Variants in ITPRID1 observed in about 807,000 individuals in gnomAD.
ITPRID1 encodes the protein ITPR interacting domain containing 1.
Under a neutral mutation model 95.4 loss-of-function variants are expected in ITPRID1, and 96 were observed. That is an observed-to-expected ratio of 1.01 (90% CI 0.85 to 1.19). The LOEUF (loss-of-function observed/expected upper bound fraction) is 1.19. Among genes scored for constraint, ITPRID1 ranks in the 50% most tolerant of loss-of-function variants. The probability of loss-of-function intolerance (pLI) is 0.00; values close to 1 mark genes in which losing one functional copy is unlikely to be tolerated. For missense variants in ITPRID1, 1,339 were observed against 1,252.9 expected, an observed-to-expected ratio of 1.07 and a Z score of -1.04; for synonymous variants, 510 against 453.6, an observed-to-expected ratio of 1.12 and a Z score of -1.58.
intron 8 of ITPRID1, among the ~76,000 whole-genome samples, chr7:31,576,287 T>A (rs529444278): frequency 3.9e-4 from 60 of 152,276 alleles, no homozygotes; most frequent in African/African-American, 1.4e-3. Flanking sequence ...TCGATACAAA[T>A]GTTTAAACTT....
In ITPRID1 at chr7:31,549,333, G is replaced by C. The variant is rs558237555; in HGVS notation, c.-97-93G>C. The C allele has an allele frequency of 1.2e-4, 104 of 862,268 alleles. 2 individuals are homozygous for C. The highest frequency in any genetic ancestry group is 1.7e-5 in the African/African-American group (1 of 57,224). The allele number at this position is 862,268 out of a possible 1,614,324, so 53.4% of individuals were successfully genotyped here. A position where few individuals can be genotyped will look rare whatever the true frequency, so the allele number is the denominator to read the frequency against. On this transcript the variant is annotated intron_variant, in intron 1 of 14. Coordinates refer to ENST00000615280, the MANE Select transcript of ITPRID1 (RefSeq NM_001257967.3). ...AATCATCCAAACTAAGTAATTTCAA[G>C]ACAACACAGGCTACCCACAAACTAA... is the stretch of plus-strand genomic sequence containing the variant.
At chr7:31,535,604 C>A (rs1783733424) in intron 1 of ITPRID1, among the ~76,000 whole-genome samples, 1 of 151,922 alleles carries the variant, frequency 6.6e-6, no homozygotes, top group African/African-American at 2.4e-5. Context: ...TATAATTTGT[C>A]TTCAACCCAA....
intron 10 of ITPRID1, among the ~76,000 whole-genome samples, chr7:31,599,587 TTCTTTC>T (rs1241172438): frequency 1.2e-4 from 5 of 41,562 alleles, no homozygotes; most frequent in African/African-American, 1.7e-4. Flanking sequence ...TTGTGTTATT[TTCTTTC>T]TTTCTTTCTT....
chr7:31,541,495 G>A (rs1039716589), intron 1 of ITPRID1, among the ~76,000 whole-genome samples: 8 of 152,122 alleles, frequency 5.3e-5, no homozygotes, highest in Admixed American at 2.0e-4. Context: ...TTAAAATTAC[G>A]AGGATATCTG....
At chr7:31,564,218 C>T (rs1428755556) in intron 5 of ITPRID1, among the ~76,000 whole-genome samples, 2 of 152,122 alleles carry the variant, frequency 1.3e-5, no homozygotes, top group East Asian at 1.9e-4. Context: ...GCGGTGTCTG[C>T]TGCTTCAGAT....
chr7:31,570,771 G>C (rs1784959052), intron 6 of ITPRID1, among the ~76,000 whole-genome samples: 1 of 152,070 alleles, frequency 6.6e-6, no homozygotes, highest in African/African-American at 2.4e-5. Flanking sequence ...TGGATCCAAG[G>C]GCAGGCTGCT....
At position 31,625,752 on chromosome 7, in the gene ITPRID1, C is replaced by T. The variant is rs550262713; in HGVS notation, c.1229-16424C>T. On this transcript the variant is annotated intron_variant, in intron 10 of 14. Transcript: ENST00000615280. ...CTAACCTGCACATTGTGCACATGTA[C>T]CCTAAACTTAAAGTATAATTAAAAA... Among the ~76,000 whole-genome samples the T allele has an allele frequency of 1.0e-3, 157 of 151,834 alleles. 1 individual carries two copies. The highest frequency in any genetic ancestry group is 3.5e-3 in the African/African-American group (144 of 41,394).
intron 1 of ITPRID1, among the ~76,000 whole-genome samples, chr7:31,548,488 T>G (rs898127599): frequency 1.3e-5 from 2 of 152,072 alleles, no homozygotes; most frequent in African/African-American, 4.8e-5. Context: ...AGGAACCATA[T>G]CCCAGTTTCA....
rs887394902 is a variant in ITPRID1, at chr7:31,653,070, T to C, written c.*241T>C. On this transcript the variant is annotated 3_prime_UTR_variant, in exon 15 of 15. Transcript: ENST00000615280. ...AGTATGCAACAGTGACTAAATAGTA[T>C]ACGGTCTCTGCCCTGCTAGAACTTA... is the stretch of plus-strand genomic sequence containing the variant. 1.0e-6 allele frequency: 1 copy of C among 993,952 alleles called. No homozygotes were observed. Among genetic ancestry groups the C allele is most frequent in the Admixed American group, 3.2e-5 (1 of 31,486 alleles). The allele number at this position is 993,952 out of a possible 1,614,324, so 61.6% of individuals were successfully genotyped here.
At chr7:31,616,325 A>AGG (rs1307492091) in intron 10 of ITPRID1, among the ~76,000 whole-genome samples, 36 of 152,194 alleles carry the variant, frequency 2.4e-4, no homozygotes, top group African/African-American at 8.2e-4. Flanking sequence ...CTAGTAGTGA[A>AGG]TATATGCATA....
chr7:31,535,907 T>C (rs1327215513), intron 1 of ITPRID1, among the ~76,000 whole-genome samples: 2 of 152,118 alleles, frequency 1.3e-5, no homozygotes, highest in African/African-American at 4.8e-5. Flanking sequence ...TAGATACTTT[T>C]AAGATTTTTC....
chr7:31,646,532 G>A (rs1161222187), intron 12 of ITPRID1, among the ~76,000 whole-genome samples: 2 of 152,186 alleles, frequency 1.3e-5, no homozygotes, highest in Non-Finnish European at 2.9e-5. Flanking sequence ...AGGAGCAGAA[G>A]ATTAAACCTG....
intron 1 of ITPRID1, among the ~76,000 whole-genome samples, chr7:31,543,419 A>G (rs1416890615): frequency 6.6e-6 from 1 of 152,032 alleles, no homozygotes; most frequent in Non-Finnish European, 1.5e-5. Context: ...TTTTGAATAT[A>G]CTCATAGCTT....
intron 10 of ITPRID1, among the ~76,000 whole-genome samples, chr7:31,639,029 G>A (rs970282262): frequency 2.4e-4 from 36 of 152,126 alleles, no homozygotes; most frequent in African/African-American, 7.0e-4. Context: ...TGCCTGCCTC[G>A]GCCTCCCAAA....
intron 10 of ITPRID1, among the ~76,000 whole-genome samples, chr7:31,590,751 T>A (rs1261385279): frequency 6.6e-6 from 1 of 152,192 alleles, no homozygotes; most frequent in East Asian, 1.9e-4. Context: ...TGCAAGGAGA[T>A]CACTCACAGA....
At chr7:31,620,920 A>G (rs1411882927) in intron 10 of ITPRID1, among the ~76,000 whole-genome samples, 2 of 152,116 alleles carry the variant, frequency 1.3e-5, no homozygotes, top group Non-Finnish European at 1.5e-5. Context: ...AAAGGAGCTG[A>G]TGGAGCTGAA....
Position 31,652,545 on chromosome 7 carries a change from C to T in ITPRID1, c.2851C>T (p.Pro951Ser), listed in dbSNP as rs1187878218. 1.9e-6 allele frequency: 3 copies of T among 1,606,368 alleles called. No individual in the cohort carries two copies. The African/African-American group carries it at 4.0e-5, about 21-fold the overall frequency. Residue 951 changes from proline (P) to serine (S), a missense_variant, in exon 15 of 15, where the codon CCT becomes TCT. Pro to Ser is a moderately conservative substitution (Grantham distance 74). Transcript: ENST00000615280. ...LQLEVLTAEP[P>S]EHYSNLHQYN... ...GCTGGAGGTTCTCACAGCAGAGCCACCTGAACACTATTCAAATCTGCATCA... is the reference window on the plus strand; with the variant it reads ...GCTGGAGGTTCTCACAGCAGAGCCATCTGAACACTATTCAAATCTGCATCA...
At chr7:31,584,362 G>C (rs1012372912) in intron 10 of ITPRID1, among the ~76,000 whole-genome samples, 1 of 152,084 alleles carries the variant, frequency 6.6e-6, no homozygotes. Context: ...CCTGCTCTTC[G>C]AAGTAATTAC....
intron 10 of ITPRID1, among the ~76,000 whole-genome samples, chr7:31,633,205 T>C (rs1052155921): frequency 6.6e-6 from 1 of 152,090 alleles, no homozygotes; most frequent in Non-Finnish European, 1.5e-5. Context: ...AGATTTACGC[T>C]GAGGAGAAAG....
Sources: gnomAD v4.1 joint callset for allele counts (sites outside exome capture counted in the v4.1 genomes callset) on GRCh38, gnomAD v4.1.1 for gene constraint, MANE v1.5 for transcripts, NCBI Gene and HGNC (gene_info 2026-07-23, HGNC 2026-07-21) for gene names.